The following KCNK12 variants were observed in gnomAD, a reference collection of about 807,000 sequenced individuals.
KCNK12 encodes potassium two pore domain channel subfamily K member 12, also known as potassium channel subfamily K member 12.
Under a neutral mutation model 25.3 loss-of-function variants are expected in KCNK12, and 6 were observed. That is an observed-to-expected ratio of 0.24 (90% CI 0.13 to 0.47). The LOEUF (loss-of-function observed/expected upper bound fraction) is 0.47. KCNK12 is among the 20% of genes least tolerant of loss of function. The probability of loss-of-function intolerance (pLI) is 0.99; values close to 1 mark genes in which losing one functional copy is unlikely to be tolerated. For missense variants in KCNK12, 444 were observed against 661.7 expected (o/e 0.67, Z 3.61); for synonymous variants, 331 against 311.1 (o/e 1.06, Z -0.67).
intron 1 of KCNK12, among the ~76,000 whole-genome samples, chr2:47,522,427 C>G (rs1668679027): frequency 6.6e-6 from 1 of 152,216 alleles, no homozygotes; most frequent in Non-Finnish European, 1.5e-5. Context: ...AATCTTAGTG[C>G]TGTGACTAAT....
Position 47,547,590 on chromosome 2 carries a change from CTTTA to C in KCNK12, c.391+22347_391+22350del, listed in dbSNP as rs202127179. Among the ~76,000 whole-genome samples, 8,224 of 151,946 alleles carry C rather than the reference CTTTA, an allele frequency of 0.054. 329 individuals are homozygous for C. The highest frequency in any genetic ancestry group is 0.1 in the Middle Eastern group (30 of 294). On this transcript the variant is annotated intron_variant, in intron 1 of 1. Coordinates refer to ENST00000327876, the MANE Select transcript of KCNK12 (RefSeq NM_022055.2). The surrounding 1 kb of genome is among the most constrained non-coding windows in gnomAD (Gnocchi z 5.0). ...AGCCCCCTAGCTGACATTGGCAGGGCTTTATTTATTTATTTATTTACTTTTGAGA... is the reference window on the plus strand; with the variant it reads ...AGCCCCCTAGCTGACATTGGCAGGGCTTTATTTATTTATTTACTTTTGAGA...
At position 47,570,109 on chromosome 2, in the gene KCNK12, T is replaced by G; in HGVS notation, c.223A>C (p.Thr75Pro). Residue 75 changes from threonine (T) to proline (P), a missense_variant, in exon 1 of 2, where the codon ACG (threonine) becomes CCG (proline). By Grantham distance (38) the Thr-to-Pro change is conservative. Coordinates refer to ENST00000327876, the MANE Select transcript of KCNK12 (RefSeq NM_022055.2). ...TGCGCAGCGCTGAAGTTGCGCAGCG[T>G]GGCGCCCCAGCGCGCCCGCGCCTCC... is the stretch of plus-strand genomic sequence containing the variant. ...EAEARARWGA[T>P]LRNFSAAHGV... 1 of 1,412,162 alleles carries G rather than the reference T, an allele frequency of 7.1e-7. No homozygotes were observed. The highest frequency in any genetic ancestry group is 9.2e-7 in the Non-Finnish European group (1 of 1,083,940). 87.5% of individuals were successfully genotyped at this position (1,412,162 alleles called of 1,614,324 possible).
intron 1 of KCNK12, among the ~76,000 whole-genome samples, chr2:47,526,690 G>A (rs887522737): frequency 5.3e-5 from 8 of 152,170 alleles, no homozygotes; most frequent in Non-Finnish European, 1.2e-4. Flanking sequence ...CCAAGATCGC[G>A]CCACTGCCTT....
At chr2:47,537,025 G>C (rs933010664) in intron 1 of KCNK12, among the ~76,000 whole-genome samples, 1 of 152,130 alleles carries the variant, frequency 6.6e-6, no homozygotes, top group Admixed American at 6.5e-5. Flanking sequence ...CTCCATCTTG[G>C]TCATAAGGCG....
chr2:47,535,212 C>G, intron 1 of KCNK12: 1 of 233,068 alleles, frequency 4.3e-6, no homozygotes, highest in Non-Finnish European at 8.5e-6. Context: ...CAAACAAACC[C>G]ACACCTTTCA....
In KCNK12 at chr2:47,548,154, T is replaced by C. The variant is rs1444077624; in HGVS notation, c.391+21787A>G. ...CCTCTCCTGCCAAGCTTCCTGTAGC[T>C]TGCAGAACCGTAAGCCAATTAATCT... On this transcript the variant is annotated intron_variant, in intron 1 of 1. Coordinates refer to ENST00000327876, the MANE Select transcript of KCNK12 (RefSeq NM_022055.2). This position sits in a 1 kb window ranked among gnomAD's most constrained non-coding sequence, Gnocchi z 4.4. Among the ~76,000 whole-genome samples, 1 of 152,234 alleles carries C rather than the reference T, an allele frequency of 6.6e-6. No individual in the cohort carries two copies. Among genetic ancestry groups the C allele is most frequent in the Non-Finnish European group, 1.5e-5 (1 of 68,034 alleles).
chr2:47,550,377 A>AC (rs1669401347), intron 1 of KCNK12, among the ~76,000 whole-genome samples: 1 of 116,418 alleles, frequency 8.6e-6, no homozygotes, highest in Non-Finnish European at 1.7e-5. Context: ...ATATTCACAG[A>AC]CTTTTTTTTT....
intron 1 of KCNK12, among the ~76,000 whole-genome samples, chr2:47,532,729 T>C (rs1668961855): frequency 6.6e-6 from 1 of 152,238 alleles, no homozygotes; most frequent in Non-Finnish European, 1.5e-5. Flanking sequence ...TGCCTGGCAC[T>C]TTTAGGTGCC....
rs1669580664 is a variant in KCNK12 at position 47,557,806 on chromosome 2, A to T, written c.391+12135T>A. Among the ~76,000 whole-genome samples, 1 of 152,174 alleles carries T rather than the reference A, an allele frequency of 6.6e-6. No individual in the cohort carries two copies. Among genetic ancestry groups the T allele is most frequent in the South Asian group, 2.1e-4 (1 of 4,824 alleles). ...TGCTGAACTGCCTTCTGGGTCATGT[A>T]TATTGCTCACTAATTTGATGTTAGG... is the stretch of plus-strand genomic sequence containing the variant. On this transcript the variant is annotated intron_variant, in intron 1 of 1. Coordinates refer to ENST00000327876, the MANE Select transcript of KCNK12 (RefSeq NM_022055.2). This position sits in a 1 kb window ranked among gnomAD's most constrained non-coding sequence, Gnocchi z 4.9.
intron 1 of KCNK12, chr2:47,543,308 A>T (rs1373958080): frequency 6.8e-6 from 1 of 147,202 alleles, no homozygotes; most frequent in Non-Finnish European, 1.5e-5. Context: ...TGCTTTCCTC[A>T]CTGAGGCTTA....
At position 47,548,877 on chromosome 2, in the gene KCNK12, T is replaced by G. The variant is rs1056875639; in HGVS notation, c.391+21064A>C. Among the ~76,000 whole-genome samples, 1 of 152,110 alleles carries G rather than the reference T, an allele frequency of 6.6e-6. No homozygotes were observed. Among genetic ancestry groups the G allele is most frequent in the Non-Finnish European group, 1.5e-5 (1 of 68,028 alleles). On this transcript the variant is annotated intron_variant, in intron 1 of 1. Transcript: ENST00000327876. The surrounding 1 kb of genome is among the most constrained non-coding windows in gnomAD (Gnocchi z 4.4). ...CTTGCTGAATTGAGGGGAGAGAAAT[T>G]CAGGTTCAGGGAGGATAAAGCAGCT...
chr2:47,564,988 C>T (rs896586276), intron 1 of KCNK12: 47 of 150,512 alleles, frequency 3.1e-4, no homozygotes, highest in African/African-American at 1.1e-3. Flanking sequence ...GGCAATGTAG[C>T]GAGGCCCTGT....
chr2:47,537,831 G>T (rs980914888), intron 1 of KCNK12, among the ~76,000 whole-genome samples: 3 of 152,224 alleles, frequency 2.0e-5, no homozygotes, highest in Admixed American at 6.5e-5. Flanking sequence ...CAGTAAGGGA[G>T]ATGTCAGGGG....
intron 1 of KCNK12, among the ~76,000 whole-genome samples, chr2:47,550,840 C>T (rs1558561143): frequency 6.6e-6 from 1 of 152,116 alleles, no homozygotes; most frequent in African/African-American, 2.4e-5. Context: ...ACCAAACATG[C>T]CCCGGTCCAA....
rs1573637098 is a variant in KCNK12 at position 47,535,216 on chromosome 2, C to G, written c.392-13408G>C. The G allele has an allele frequency of 1.3e-5, 3 of 233,088 alleles. No individual in the cohort carries two copies. The East Asian group carries it at 1.8e-4, about 14-fold the overall frequency. 14.4% of individuals were successfully genotyped at this position (233,088 alleles called of 1,614,324 possible). A position where few individuals can be genotyped will look rare whatever the true frequency, so the allele number is the denominator to read the frequency against. On this transcript the variant is annotated intron_variant, in intron 1 of 1. Transcript: ENST00000327876. ...GAGCCATGATGCAAACAAACCCACA[C>G]CTTTCAGCTGCAGCCAGGGAGGTGC...
At chr2:47,559,740 A>C (rs1669625436) in intron 1 of KCNK12, among the ~76,000 whole-genome samples, 1 of 152,230 alleles carries the variant, frequency 6.6e-6, no homozygotes, top group Admixed American at 6.5e-5. Context: ...CTTACTTCGC[A>C]GATGGGGAAG....
chr2:47,544,927 CTGGAGTACTAT>C (rs2104827310), intron 1 of KCNK12, among the ~76,000 whole-genome samples: 1 of 152,324 alleles, frequency 6.6e-6, no homozygotes, highest in Admixed American at 6.5e-5. Context: ...AAAAAAATCC[CTGGAGTACTAT>C]TTTAGTGGTG....
At position 47,551,264 on chromosome 2, in the gene KCNK12, C is replaced by T. The variant is rs866037058; in HGVS notation, c.391+18677G>A. ...AGGGACCCTGGCACTGGCTGGAGCC[C>T]TCTTCCTCCAGGCAGCCACATGGCT... On this transcript the variant is annotated intron_variant, in intron 1 of 1. Coordinates refer to ENST00000327876, the MANE Select transcript of KCNK12 (RefSeq NM_022055.2). This position sits in a 1 kb window ranked among gnomAD's most constrained non-coding sequence, Gnocchi z 5.3. Among the ~76,000 whole-genome samples, 1 of 151,790 alleles carries T rather than the reference C, an allele frequency of 6.6e-6. No homozygotes were observed. Among genetic ancestry groups the T allele is most frequent in the Non-Finnish European group, 1.5e-5 (1 of 67,950 alleles).
Position 47,517,640 on chromosome 2 carries a change from G to A in KCNK12, c.*3267C>T, listed in dbSNP as rs1270229043. ...GCTGTGCAAATGCCCAGGGCTGTCT[G>A]GCATTTTCCACAAAATGAGAGCCTG... is the stretch of plus-strand genomic sequence containing the variant. On this transcript the variant is annotated 3_prime_UTR_variant, in exon 2 of 2. Coordinates refer to ENST00000327876, the MANE Select transcript of KCNK12 (RefSeq NM_022055.2). The surrounding 1 kb of genome is among the most constrained non-coding windows in gnomAD (Gnocchi z 4.1). 9 of 152,122 alleles carry A rather than the reference G, an allele frequency of 5.9e-5. No homozygotes were observed. Among genetic ancestry groups the A allele is most frequent in the African/African-American group, 2.2e-4 (9 of 41,424 alleles). 9.4% of individuals were successfully genotyped at this position (152,122 alleles called of 1,614,324 possible).
Sources: allele counts gnomAD v4.1 joint callset (sites outside exome capture counted in the v4.1 genomes callset), GRCh38; gene constraint gnomAD v4.1.1; non-coding constraint Gnocchi (gnomAD v3.1); transcripts MANE v1.5; gene names NCBI Gene and HGNC (gene_info 2026-07-23, HGNC 2026-07-21).